Variants in ANKRD33B observed in about 807,000 individuals in gnomAD.
The protein encoded by ANKRD33B is ankyrin repeat domain-containing protein 33B.
ANKRD33B carries 6 observed loss-of-function variants against 21.5 expected under a neutral mutation model. That is an observed-to-expected ratio of 0.28 (90% confidence interval 0.15 to 0.55). ANKRD33B has a LOEUF of 0.55. Among genes scored for constraint, ANKRD33B ranks in the 20% least tolerant of loss-of-function variants. The pLI, the probability that ANKRD33B is intolerant of heterozygous loss-of-function variation, is 0.94. For missense variants in ANKRD33B, 698 were observed against 747.2 expected (o/e 0.93, Z 0.77); for synonymous variants, 347 against 342.4 (o/e 1.01, Z -0.15).
At chr5:10,586,708 G>A (rs917148161) in intron 1 of ANKRD33B, among the ~76,000 whole-genome samples, 1 of 152,154 alleles carries the variant, frequency 6.6e-6, no homozygotes, top group African/African-American at 2.4e-5. Context: ...TTCAATTGGT[G>A]AGGGATCTTT....
At chr5:10,612,382 T>C (rs747409470) in intron 1 of ANKRD33B, among the ~76,000 whole-genome samples, 16 of 152,246 alleles carry the variant, frequency 1.1e-4, no homozygotes, top group Non-Finnish European at 2.2e-4. Context: ...CTGGGTCCTC[T>C]TGTATAAGGG....
intron 3 of ANKRD33B, among the ~76,000 whole-genome samples, chr5:10,638,963 C>T (rs1285155561): frequency 1.9e-5 from 2 of 105,048 alleles, no homozygotes; most frequent in Non-Finnish European, 4.4e-5. Context: ...CGCGGAGTTG[C>T]ACGGCGATGT....
Position 10,624,130 on chromosome 5 carries a change from CTT to C in ANKRD33B, c.496+5684_496+5685del, listed in dbSNP as rs60575071. The stretch of plus-strand genomic sequence containing the variant: ...TTTTCTTTCGTTCTTTCTTTCTTTT[CTT>C]TTTTTTTTTTTTTTTGAGTCTGAGT... On this transcript the variant is annotated intron_variant, in intron 2 of 3. Coordinates refer to ENST00000296657, the MANE Select transcript of ANKRD33B (RefSeq NM_001164440.2). Among the ~76,000 whole-genome samples, 478 of 134,266 alleles carry C rather than the reference CTT, an allele frequency of 3.6e-3. 2 individuals are homozygous for C. Among genetic ancestry groups the C allele is most frequent in the African/African-American group, 0.012 (429 of 35,768 alleles). The allele number at this position is 134,266 out of a possible 152,430, so 88.1% of individuals were successfully genotyped here.
In ANKRD33B at chr5:10,649,893, T is replaced by G. The variant is rs1386780587; in HGVS notation, c.1265T>G (p.Val422Gly). 6.6e-7 allele frequency: 1 copy of G among 1,512,328 alleles called. No homozygotes were observed. Among genetic ancestry groups the G allele is most frequent in the Admixed American group, 2.0e-5 (1 of 49,026 alleles). 93.7% of individuals were successfully genotyped at this position (1,512,328 alleles called of 1,614,324 possible). A position where few individuals can be genotyped will look rare whatever the true frequency, so the allele number is the denominator to read the frequency against. ...CGGAGAAGCGTGCGGCCCGGTGTGGTGGTGCCCCGGGTCCGAGTCAGCAAG... is the reference window on the plus strand; with the variant it reads ...CGGAGAAGCGTGCGGCCCGGTGTGGGGGTGCCCCGGGTCCGAGTCAGCAAG... ...LRRRSVRPGV[V>G]VPRVRVSKAP... is the part of the protein sequence containing the mutation. The change falls in exon 4 of 4, where the codon GTG (valine) becomes GGG (glycine). Residue 422 changes from valine (V) to glycine (G), a missense_variant. This residue lies in a region of ANKRD33B where 543 missense variants were observed against 566.5 expected (regional missense o/e 0.96). Transcript: ENST00000296657.
chr5:10,568,990 A>G (rs1297403633), intron 1 of ANKRD33B, among the ~76,000 whole-genome samples: 1 of 152,136 alleles, frequency 6.6e-6, no homozygotes, highest in Non-Finnish European at 1.5e-5. Flanking sequence ...TAATTTTCAT[A>G]GATTTATAGC....
intron 1 of ANKRD33B, among the ~76,000 whole-genome samples, chr5:10,605,020 C>G (rs1206684826): frequency 6.6e-6 from 1 of 152,194 alleles, no homozygotes; most frequent in Non-Finnish European, 1.5e-5. Context: ...CTGTAGTTGT[C>G]TGAAGGCTTG....
intron 1 of ANKRD33B, among the ~76,000 whole-genome samples, chr5:10,600,808 A>G (rs1170060182): frequency 6.6e-6 from 1 of 152,148 alleles, no homozygotes; most frequent in African/African-American, 2.4e-5. Flanking sequence ...CACCCTTGCC[A>G]ACATTTGGTA....
chr5:10,570,586 C>A (rs1055071944), intron 1 of ANKRD33B, among the ~76,000 whole-genome samples: 44 of 152,088 alleles, frequency 2.9e-4, no homozygotes, highest in Admixed American at 2.8e-3. Flanking sequence ...GAGATAGAGT[C>A]TCACTCTGTT....
chr5:10,652,794 G>A lies in ANKRD33B; in HGVS notation c.*2681G>A, dbSNP rs770134327. On this transcript the variant is annotated 3_prime_UTR_variant, in exon 4 of 4. Transcript: ENST00000296657. The surrounding 1 kb of genome is among the most constrained non-coding windows in gnomAD (Gnocchi z 4.1). ...CATCCAGGTGCACAGGATACTCTGG[G>A]GCCAGCACAGGGATTGTCCAGTGAT... 3 of 284,794 alleles carry A rather than the reference G, an allele frequency of 1.1e-5. No homozygotes were observed. Among genetic ancestry groups the A allele is most frequent in the African/African-American group, 2.2e-5 (1 of 45,382 alleles). 17.6% of individuals were successfully genotyped at this position (284,794 alleles called of 1,614,324 possible).
intron 1 of ANKRD33B, among the ~76,000 whole-genome samples, chr5:10,598,245 G>T (rs765286749): frequency 1.3e-5 from 2 of 152,022 alleles, no homozygotes; most frequent in African/African-American, 2.4e-5. Flanking sequence ...GCCTTGTTGC[G>T]TTTTAACCAT....
rs1735319284 is a variant in ANKRD33B at position 10,576,280 on chromosome 5, G to A, written c.366+11447G>A. 6.6e-6 allele frequency among the ~76,000 whole-genome samples: 1 copy of A among 152,158 alleles called. No individual in the cohort carries two copies. Among genetic ancestry groups the A allele is most frequent in the South Asian group, 2.1e-4 (1 of 4,834 alleles). ...CCTAGTTATTAATAGGTGGGAAGAG[G>A]ACTCACTGGAAATATTGGGCAACAG... is the stretch of plus-strand genomic sequence containing the variant. On this transcript the variant is annotated intron_variant, in intron 1 of 3. Transcript: ENST00000296657. The surrounding 1 kb of genome is among the most constrained non-coding windows in gnomAD (Gnocchi z 4.1).
chr5:10,592,909 C>T (rs147943817), intron 1 of ANKRD33B, among the ~76,000 whole-genome samples: 2 of 152,180 alleles, frequency 1.3e-5, no homozygotes, highest in Non-Finnish European at 2.9e-5. Flanking sequence ...ACCCATCCAC[C>T]CATCCTTTTT....
intron 1 of ANKRD33B, among the ~76,000 whole-genome samples, chr5:10,583,476 C>T (rs1735489376): frequency 2.0e-5 from 3 of 152,136 alleles, no homozygotes. Flanking sequence ...CATCCCTGGC[C>T]CCTGCCCACT....
intron 2 of ANKRD33B, among the ~76,000 whole-genome samples, chr5:10,623,328 C>T (rs139414624): frequency 5.4e-4 from 82 of 152,336 alleles, no homozygotes; most frequent in Middle Eastern, 6.8e-3. Flanking sequence ...CAACAGAGGC[C>T]TGTCCCTGCC....
Position 10,649,566 on chromosome 5 carries a change from C to A in ANKRD33B, c.938C>A (p.Thr313Lys), listed in dbSNP as rs753886697. Residue 313 changes from threonine to lysine, a missense_variant, in exon 4 of 4, where the codon ACG becomes AAG. Transcript: ENST00000296657. The stretch of plus-strand genomic sequence containing the variant: ...CTGGACCACATGGTCCGGATGACCA[C>A]GAGCCTCTACAGCCCCGCCGTGGCC... ...GVLDHMVRMT[T>K]SLYSPAVAIV... 1 of 1,517,502 alleles carries A rather than the reference C, an allele frequency of 6.6e-7. No individual in the cohort carries two copies. Among genetic ancestry groups the A allele is most frequent in the Non-Finnish European group, 8.8e-7 (1 of 1,137,090 alleles). 94.0% of individuals were successfully genotyped at this position (1,517,502 alleles called of 1,614,324 possible). A position where few individuals can be genotyped will look rare whatever the true frequency, so the allele number is the denominator to read the frequency against.
At position 10,651,936 on chromosome 5, in the gene ANKRD33B, A is replaced by G. The variant is rs1737366116; in HGVS notation, c.*1823A>G. The G allele has an allele frequency of 6.6e-6, 1 of 152,422 alleles. No homozygotes were observed. The highest frequency in any genetic ancestry group is 1.5e-5 in the Non-Finnish European group (1 of 68,066). The allele number at this position is 152,422 out of a possible 1,614,324, so 9.4% of individuals were successfully genotyped here. ...TCCTCCTTAATCCCAGAAGGGCACCATGATGAATGCCACAGGAGACTGGAC... is the reference window on the plus strand; with the variant it reads ...TCCTCCTTAATCCCAGAAGGGCACCGTGATGAATGCCACAGGAGACTGGAC... On this transcript the variant is annotated 3_prime_UTR_variant, in exon 4 of 4. Coordinates refer to ENST00000296657, the MANE Select transcript of ANKRD33B (RefSeq NM_001164440.2).
rs867152043 is a variant in ANKRD33B, at chr5:10,638,977, C to T, written c.637+809C>T. ...ACGCGGAGTTGCACGGCGATGTTAG[C>T]GGGTGACGCGGAGTTGCGCGGCGAT... On this transcript the variant is annotated intron_variant, in intron 3 of 3. Coordinates refer to ENST00000296657, the MANE Select transcript of ANKRD33B (RefSeq NM_001164440.2). Among the ~76,000 whole-genome samples, 14 of 61,930 alleles carry T rather than the reference C, an allele frequency of 2.3e-4. 1 individual carries two copies. The East Asian group carries it at 3.3e-3, about 15-fold the overall frequency. 40.6% of individuals were successfully genotyped at this position (61,930 alleles called of 152,430 possible). A position where few individuals can be genotyped will look rare whatever the true frequency, so the allele number is the denominator to read the frequency against.
chr5:10,599,847 C>G (rs972100150), intron 1 of ANKRD33B, among the ~76,000 whole-genome samples: 1 of 152,108 alleles, frequency 6.6e-6, no homozygotes, highest in African/African-American at 2.4e-5. Context: ...GGGCATATAC[C>G]TAGGAGTGGA....
In ANKRD33B at chr5:10,619,463, C is replaced by A. The variant is rs1434434333; in HGVS notation, c.496+1001C>A. 3.6e-6 allele frequency: 3 copies of A among 843,710 alleles called. No individual in the cohort carries two copies. The highest frequency in any genetic ancestry group is 4.3e-6 in the Non-Finnish European group (3 of 700,928). The allele number at this position is 843,710 out of a possible 1,614,324, so 52.3% of individuals were successfully genotyped here. On this transcript the variant is annotated intron_variant, in intron 2 of 3. Transcript: ENST00000296657. This position sits in a 1 kb window ranked among gnomAD's most constrained non-coding sequence, Gnocchi z 4.5. ...CCTTGTTGCTTCACAAGCTCCTGGA[C>A]CAAAGCCACCCTGGGTGGATCTGAT...
Sources: gnomAD v4.1 joint callset for allele counts (sites outside exome capture counted in the v4.1 genomes callset) on GRCh38, gnomAD v4.1.1 for gene constraint, gnomAD v4.1.1 regional missense constraint, Gnocchi (gnomAD v3.1) non-coding constraint, MANE v1.5 for transcripts, NCBI Gene and HGNC (gene_info 2026-07-23, HGNC 2026-07-21) for gene names.